NACAD: variants seen among roughly 807,000 people sequenced by gnomAD.
The protein encoded by NACAD is NAC alpha domain containing, also known as NAC-alpha domain-containing protein 1.
A neutral mutation model predicts 98.9 loss-of-function variants in NACAD; 47 were observed. That is an observed-to-expected ratio of 0.48 (90% CI 0.38 to 0.61). NACAD has a LOEUF of 0.61. Ranked by LOEUF, NACAD falls within the 20% of genes least tolerant of loss-of-function variation. The pLI, the probability that NACAD is intolerant of heterozygous loss-of-function variation, is 0.00. For synonymous variants in NACAD, 696 were observed against 767.2 expected (o/e 0.91, Z 1.53); for missense variants, 1,412 against 1,748.2 (o/e 0.81, Z 3.43).
In NACAD at chr7:45,080,587, C is replaced by T. The variant is rs1562926090; in HGVS notation, c.4674+53G>A. ...CAGTGGAGCCAACATCAGGACCTCT[C>T]GAGGCCCTTGGGGACAGCTCAGGGG... On this transcript the variant is annotated intron_variant, in intron 7 of 7. Coordinates refer to ENST00000490531, the MANE Select transcript of NACAD (RefSeq NM_001146334.2). The T allele has an allele frequency of 1.0e-5, 16 of 1,551,304 alleles. 2 individuals carry two copies. The highest frequency in any genetic ancestry group is 9.5e-5 in the South Asian group (8 of 84,062).
Position 45,088,747 on chromosome 7 carries a change from G to T in NACAD, c.67+81C>A. ...GGGGCCAGGGGGATGGGGGAGAGGG[G>T]TGAAAGGTGAGCGATGGAAAGAGAA... is the stretch of plus-strand genomic sequence containing the variant. On this transcript the variant is annotated intron_variant, in intron 1 of 7. Coordinates refer to ENST00000490531, the MANE Select transcript of NACAD (RefSeq NM_001146334.2). This position sits in a 1 kb window ranked among gnomAD's most constrained non-coding sequence, Gnocchi z 5.7. 1 of 1,248,850 alleles carries T rather than the reference G, an allele frequency of 8.0e-7. No homozygotes were observed. The highest frequency in any genetic ancestry group is 1.1e-6 in the Non-Finnish European group (1 of 942,698). The allele number at this position is 1,248,850 out of a possible 1,614,324, so 77.4% of individuals were successfully genotyped here.
chr7:45,080,788 G>C, intron 6 of NACAD, 26 bp from the exon 7 acceptor site: 4 of 1,550,082 alleles, frequency 2.6e-6, no homozygotes, highest in Non-Finnish European at 2.6e-6. Context: ...CAGGGAAGTG[G>C]CTGGAGCTGC....
Position 45,081,679 on chromosome 7 carries a change from A to G in NACAD, c.4186-7T>C, listed in dbSNP as rs1032564782. Reference sequence around the variant, plus strand: ...CACTGCCGCCTGCTGGGGCCTGAGAAAAGGTGAGGGCTGAGCATCCATGGG... The same window carrying G: ...CACTGCCGCCTGCTGGGGCCTGAGAGAAGGTGAGGGCTGAGCATCCATGGG... On this transcript the variant is annotated splice_region_variant and splice_polypyrimidine_tract_variant and intron_variant, in intron 3 of 7. Coordinates refer to ENST00000490531, the MANE Select transcript of NACAD (RefSeq NM_001146334.2). 15 of 1,551,312 alleles carry G rather than the reference A, an allele frequency of 9.7e-6. No individual in the cohort carries two copies. Among genetic ancestry groups the G allele is most frequent in the African/African-American group, 1.4e-5 (1 of 73,048 alleles).
Position 45,081,861 on chromosome 7 carries a change from G to A in NACAD, c.4079C>T (p.Pro1360Leu), listed in dbSNP as rs2128640301. The change falls in exon 3 of 8, where the codon CCT becomes CTT. Residue 1360 changes from proline (P) to leucine (L), a missense_variant. By Grantham distance (98) the Pro-to-Leu change is moderately conservative. Around this residue, in one of 5 missense-constraint regions of NACAD, gnomAD observed 572 missense variants for 639.6 expected, o/e 0.89. Transcript: ENST00000490531. ...ATGCTGGCCCGAGCCCAGGGCCCGA[G>A]GCGAGTCTGGGGAAGGGGAGAGGTG... ...EDEDSLEEDSPRALGSGQHSD... is the reference protein window; with the variant it reads ...EDEDSLEEDSLRALGSGQHSD... 1 of 1,545,136 alleles carries A rather than the reference G, an allele frequency of 6.5e-7. No homozygotes were observed. The highest frequency in any genetic ancestry group is 8.7e-7 in the Non-Finnish European group (1 of 1,146,858).
At position 45,083,211 on chromosome 7, in the gene NACAD, G is replaced by T. The variant is rs548119377; in HGVS notation, c.2969C>A (p.Pro990Gln). Residue 990 changes from proline (P) to glutamine (Q), a missense_variant, in exon 2 of 8, where the codon CCG becomes CAG. Pro to Gln is a moderately conservative substitution (Grantham distance 76). This residue lies in a region of NACAD where 572 missense variants were observed against 639.6 expected (regional missense o/e 0.89). Transcript: ENST00000490531. ...EEKNAALPTV[P>Q]EPAALDQVQQ... ...GACCTGGTCCAAGGCTGCAGGCTCC[G>T]GGACTGTAGGGAGGGCTGCATTCTT... The T allele has an allele frequency of 3.2e-6, 5 of 1,550,756 alleles. No homozygotes were observed. Among genetic ancestry groups the T allele is most frequent in the Non-Finnish European group, 4.4e-6 (5 of 1,146,956 alleles).
In NACAD at chr7:45,085,050, G is replaced by C; in HGVS notation, c.1130C>G (p.Ala377Gly). ...DLSITEGMDE[A>G]FAFRDDTSAA... ...AGAGGTGTCGTCCCGGAAGGCAAAAGCCTCGTCCATGCCCTCCGTGATGGA... is the reference window on the plus strand; with the variant it reads ...AGAGGTGTCGTCCCGGAAGGCAAAACCCTCGTCCATGCCCTCCGTGATGGA... Residue 377 changes from alanine (A) to glycine (G), a missense_variant, in exon 2 of 8, where the codon GCT (alanine) becomes GGT (glycine). Around this residue, in one of 5 missense-constraint regions of NACAD, gnomAD observed 638 missense variants for 722.7 expected, o/e 0.88. Transcript: ENST00000490531. The surrounding 1 kb of genome is among the most constrained non-coding windows in gnomAD (Gnocchi z 6.1). 6.4e-7 allele frequency: 1 copy of C among 1,550,994 alleles called. No homozygotes were observed. Among genetic ancestry groups the C allele is most frequent in the Non-Finnish European group, 8.7e-7 (1 of 1,146,876 alleles).
intron 4 of NACAD, 76 bp downstream of exon 4, chr7:45,081,525 T>A: frequency 6.6e-7 from 1 of 1,512,278 alleles, no homozygotes; most frequent in Admixed American, 2.0e-5. Context: ...AGCCATGGAG[T>A]GTGAGGGTCT....
chr7:45,082,660 T>G lies in NACAD; in HGVS notation c.3520A>C (p.Thr1174Pro). ...GGCTGCTGGGAGGTTGGTGCAGACG[T>G]GGGGGCAGGCGCGTCAGGGCAGCCT... The part of the protein sequence containing the change: ...DRGCPDAPAP[T>P]SAPTSQQPEP... The change falls in exon 2 of 8, where the codon ACG becomes CCG. Residue 1174 changes from threonine (T) to proline (P), a missense_variant. Thr to Pro is a conservative substitution (Grantham distance 38). This residue lies in a region of NACAD where 572 missense variants were observed against 639.6 expected (regional missense o/e 0.89). Coordinates refer to ENST00000490531, the MANE Select transcript of NACAD (RefSeq NM_001146334.2). This position sits in a 1 kb window ranked among gnomAD's most constrained non-coding sequence, Gnocchi z 4.5. 2 of 1,508,460 alleles carry G rather than the reference T, an allele frequency of 1.3e-6. No homozygotes were observed. The highest frequency in any genetic ancestry group is 1.8e-6 in the Non-Finnish European group (2 of 1,124,566). The allele number at this position is 1,508,460 out of a possible 1,614,324, so 93.4% of individuals were successfully genotyped here.
At position 45,088,422 on chromosome 7, in the gene NACAD, G is replaced by A. The variant is rs957203989; in HGVS notation, c.67+406C>T. On this transcript the variant is annotated intron_variant, in intron 1 of 7. Coordinates refer to ENST00000490531, the MANE Select transcript of NACAD (RefSeq NM_001146334.2). This position sits in a 1 kb window ranked among gnomAD's most constrained non-coding sequence, Gnocchi z 5.7. ...ACCGGGTGCAACTGAGGACCCTCCC[G>A]GTGGTCACCTGATCGTACTGGGGGT... 6.6e-6 allele frequency among the ~76,000 whole-genome samples: 1 copy of A among 152,178 alleles called. No homozygotes were observed. The highest frequency in any genetic ancestry group is 2.4e-5 in the African/African-American group (1 of 41,444).
Position 45,080,437 on chromosome 7 carries a change from T to C in NACAD, c.*72A>G, listed in dbSNP as rs1250623444. On this transcript the variant is annotated 3_prime_UTR_variant, in exon 8 of 8. Transcript: ENST00000490531. ...GCGAGGAGGAGACACCAGAGGGCAATGAAGGGACACCGATTTATTGAGTAG... is the reference window on the plus strand; with the variant it reads ...GCGAGGAGGAGACACCAGAGGGCAACGAAGGGACACCGATTTATTGAGTAG... 1.3e-6 allele frequency: 2 copies of C among 1,548,966 alleles called. No individual in the cohort carries two copies. The highest frequency in any genetic ancestry group is 1.4e-5 in the African/African-American group (1 of 73,030).
At position 45,080,869 on chromosome 7, in the gene NACAD, A is replaced by G; in HGVS notation, c.4551+7T>C. On this transcript the variant is annotated splice_region_variant and intron_variant, in intron 6 of 7. Transcript: ENST00000490531. ...CCCTGCGAGGCCCTGGAGCCCCTGC[A>G]CTTCACCTCTTCCTCCTCCTCCTCT... The G allele has an allele frequency of 6.4e-7, 1 of 1,555,458 alleles. No homozygotes were observed.
Position 45,085,763 on chromosome 7 carries a change from G to C in NACAD, c.417C>G (p.Leu139=). 1 of 1,549,182 alleles carries C rather than the reference G, an allele frequency of 6.5e-7. No homozygotes were observed. The highest frequency in any genetic ancestry group is 8.7e-7 in the Non-Finnish European group (1 of 1,146,516). The change falls in exon 2 of 8, where the codon CTC becomes CTG. Residue 139 remains leucine, a synonymous_variant. Coordinates refer to ENST00000490531, the MANE Select transcript of NACAD (RefSeq NM_001146334.2). This position sits in a 1 kb window ranked among gnomAD's most constrained non-coding sequence, Gnocchi z 6.1. ...TTGCGTGCCCACCCTCCTGGTCCCT[G>C]AGCGCTGTCCGGGCAGCTCTGGGTG... ...LLSPRAARTA[L]RDQEGGHASP... is the part of the protein sequence containing the mutation.
At chr7:45,081,905 T>C in intron 2 of NACAD, 38 bp from the exon 3 acceptor site, 1 of 1,530,420 alleles carries the variant, frequency 6.5e-7, no homozygotes, top group South Asian at 1.2e-5. Flanking sequence ...GCCTTTTGCT[T>C]CTAGGTGGCG....
rs765571380 is a variant in NACAD at position 45,085,054 on chromosome 7, C to T, written c.1126G>A (p.Glu376Lys). The T allele has an allele frequency of 9.7e-6, 15 of 1,551,016 alleles. No individual in the cohort carries two copies. The highest frequency in any genetic ancestry group is 4.8e-5 in the South Asian group (4 of 84,008). Reference sequence around the variant, plus strand: ...GTGTCGTCCCGGAAGGCAAAAGCCTCGTCCATGCCCTCCGTGATGGACAGG... The same window carrying T: ...GTGTCGTCCCGGAAGGCAAAAGCCTTGTCCATGCCCTCCGTGATGGACAGG... ...SDLSITEGMD[E>K]AFAFRDDTSA... Residue 376 changes from glutamate to lysine, a missense_variant, in exon 2 of 8, where the codon GAG (glutamate) becomes AAG (lysine). Transcript: ENST00000490531. The surrounding 1 kb of genome is among the most constrained non-coding windows in gnomAD (Gnocchi z 6.1).
rs1205974428 is a variant in NACAD, at chr7:45,084,448, T to A, written c.1732A>T (p.Lys578Ter). 1 of 1,552,018 alleles carries A rather than the reference T, an allele frequency of 6.4e-7. No homozygotes were observed. The highest frequency in any genetic ancestry group is 2.0e-5 in the Admixed American group (1 of 51,012). The change falls in exon 2 of 8, where the codon AAG (lysine) becomes TAG (stop). Residue 578 changes from lysine (K) to a stop codon, truncating the protein, a stop_gained. Transcript: ENST00000490531. LOFTEE classifies it high-confidence loss of function. ...ACAATCGTGGCTGCAGCTACAGGCT[T>A]TCTGCCAGAGGGGAGGTCCAGCCCT... Reference protein sequence around the residue: ...EGGLDLPSGRKPVAAATIVPR... With the variant: ...EGGLDLPSGR
Position 45,088,820 on chromosome 7 carries a change from G to C in NACAD, c.67+8C>G. 6.7e-7 allele frequency: 1 copy of C among 1,489,554 alleles called. No homozygotes were observed. The highest frequency in any genetic ancestry group is 8.9e-7 in the Non-Finnish European group (1 of 1,124,636). The allele number at this position is 1,489,554 out of a possible 1,614,324, so 92.3% of individuals were successfully genotyped here. On this transcript the variant is annotated splice_region_variant and intron_variant, in intron 1 of 7. Transcript: ENST00000490531. This position sits in a 1 kb window ranked among gnomAD's most constrained non-coding sequence, Gnocchi z 5.7. ...CTGAAGGCAGGGAAAGAGTGGCCAC[G>C]GCCTCACCTGTGCGGGGCCCGGGTC... is the stretch of plus-strand genomic sequence containing the variant.
rs1026074003 is a variant in NACAD, at chr7:45,080,587, CGAG to C, written c.4674+50_4674+52del. ...CAGTGGAGCCAACATCAGGACCTCT[CGAG>C]GCCCTTGGGGACAGCTCAGGGGTAG... On this transcript the variant is annotated intron_variant, in intron 7 of 7. Coordinates refer to ENST00000490531, the MANE Select transcript of NACAD (RefSeq NM_001146334.2). 3.5e-5 allele frequency: 54 copies of C among 1,551,422 alleles called. No homozygotes were observed. The African/African-American group carries it at 6.6e-4, about 19-fold the overall frequency.
chr7:45,088,956 GC>G lies in NACAD; in HGVS notation c.-63del. 1 of 1,235,906 alleles carries G rather than the reference GC, an allele frequency of 8.1e-7. No individual in the cohort carries two copies. The highest frequency in any genetic ancestry group is 1.0e-6 in the Non-Finnish European group (1 of 978,612). The allele number at this position is 1,235,906 out of a possible 1,614,324, so 76.6% of individuals were successfully genotyped here. ...CGACCCTCCGTCAGTCCGTGCCGCC[GC>G]CCCGCCGAGCCTGCGCGGCCACCGC... On this transcript the variant is annotated 5_prime_UTR_variant, in exon 1 of 8. Coordinates refer to ENST00000490531, the MANE Select transcript of NACAD (RefSeq NM_001146334.2). This position sits in a 1 kb window ranked among gnomAD's most constrained non-coding sequence, Gnocchi z 5.7.
Position 45,082,975 on chromosome 7 carries a change from G to GT in NACAD, c.3204dup (p.Pro1069ThrfsTer9), listed in dbSNP as rs1225783223. On this transcript the variant is annotated frameshift_variant, in exon 2 of 8. Coordinates refer to ENST00000490531, the MANE Select transcript of NACAD (RefSeq NM_001146334.2). LOFTEE classifies it high-confidence loss of function. The surrounding 1 kb of genome is among the most constrained non-coding windows in gnomAD (Gnocchi z 4.5). ...TCAACCTCCAGGGTCTCCTTTTGGG[G>GT]TGAGTCAGGCTTAGCCCCATCACCT... 1 of 1,550,866 alleles carries GT rather than the reference G, an allele frequency of 6.4e-7. No homozygotes were observed. The highest frequency in any genetic ancestry group is 8.7e-7 in the Non-Finnish European group (1 of 1,147,014).
Sources: gnomAD v4.1 joint callset for allele counts (sites outside exome capture counted in the v4.1 genomes callset) on GRCh38, gnomAD v4.1.1 for gene constraint, gnomAD v4.1.1 regional missense constraint, Gnocchi (gnomAD v3.1) non-coding constraint, MANE v1.5 for transcripts, NCBI Gene and HGNC (gene_info 2026-07-23, HGNC 2026-07-21) for gene names.